XPR1: variants seen among roughly 807,000 people sequenced by gnomAD.
XPR1 encodes xenotropic and polytropic retrovirus receptor 1.
Under a neutral mutation model 87.5 loss-of-function variants are expected in XPR1, and 28 were observed. The observed-to-expected ratio is 0.32, with a 90% confidence interval of 0.24 to 0.44. The LOEUF is 0.44. Ranked by LOEUF, XPR1 falls within the 20% of genes least tolerant of loss-of-function variation. XPR1 has a pLI of 1.00. For missense variants in XPR1, 559 were observed against 862.3 expected, an observed-to-expected ratio of 0.65 and a Z score of 4.41; for synonymous variants, 300 against 306.1, an observed-to-expected ratio of 0.98 and a Z score of 0.21.
intron 11 of XPR1, among the ~76,000 whole-genome samples, chr1:180,852,398 G>A (rs1651894127): frequency 2.0e-5 from 3 of 151,798 alleles, no homozygotes; most frequent in Admixed American, 6.6e-5. Flanking sequence ...ATCACCACAA[G>A]GATCCCCCCT....
intron 1 of XPR1, among the ~76,000 whole-genome samples, chr1:180,663,229 A>G (rs1246249651): frequency 1.3e-5 from 2 of 152,184 alleles, no homozygotes; most frequent in Non-Finnish European, 2.9e-5. Context: ...TATTTATTGT[A>G]GTCTTTGCAA....
chr1:180,778,728 G>A (rs1340261590), intron 2 of XPR1, among the ~76,000 whole-genome samples: 1 of 152,130 alleles, frequency 6.6e-6, no homozygotes, highest in African/African-American at 2.4e-5. Flanking sequence ...AAAAAAATCA[G>A]TTTGATCGTG....
intron 2 of XPR1, among the ~76,000 whole-genome samples, chr1:180,683,029 T>A (rs1345930819): frequency 6.6e-6 from 1 of 152,068 alleles, no homozygotes; most frequent in Non-Finnish European, 1.5e-5. Flanking sequence ...TGTGCAGGTT[T>A]GTTACATATG....
intron 2 of XPR1, among the ~76,000 whole-genome samples, chr1:180,778,895 A>G (rs770822868): frequency 1.8e-4 from 27 of 152,192 alleles, no homozygotes; most frequent in Non-Finnish European, 2.9e-4. Context: ...AAACTCATCA[A>G]TATTTTCCAT....
At chr1:180,737,274 A>G (rs552823075) in intron 2 of XPR1, among the ~76,000 whole-genome samples, 2 of 152,324 alleles carry the variant, frequency 1.3e-5, no homozygotes, top group East Asian at 3.9e-4. Flanking sequence ...AAGGGCAACA[A>G]GTAGCAAACA....
At chr1:180,683,786 A>G (rs1656669168) in intron 2 of XPR1, among the ~76,000 whole-genome samples, 1 of 151,072 alleles carries the variant, frequency 6.6e-6, no homozygotes, top group Non-Finnish European at 1.5e-5. Context: ...GTCTGTTCAT[A>G]TCCTTTGCCC....
At chr1:180,835,316 TTA>T (rs1301574474) in intron 10 of XPR1, among the ~76,000 whole-genome samples, 2 of 152,228 alleles carry the variant, frequency 1.3e-5, no homozygotes, top group African/African-American at 4.8e-5. Context: ...ACATTGGTAG[TTA>T]TATTGCAAGT....
chr1:180,875,351 A>G (rs577804254), intron 13 of XPR1, among the ~76,000 whole-genome samples: 1 of 152,150 alleles, frequency 6.6e-6, no homozygotes, highest in Admixed American at 6.5e-5. Context: ...TCTACAAAAA[A>G]TACAAAAATT....
At position 180,677,335 on chromosome 1, in the gene XPR1, A is replaced by G. The variant is rs144263610; in HGVS notation, c.70-5025A>G. On this transcript the variant is annotated intron_variant, in intron 1 of 14. Coordinates refer to ENST00000367590, the MANE Select transcript of XPR1 (RefSeq NM_004736.4). ...CCTGAGTTTTATTATTACTCAAATC[A>G]GTCTCCCTGAAAATTCGGGGACTGG... 2.9e-3 allele frequency among the ~76,000 whole-genome samples: 441 copies of G among 152,314 alleles called. 3 individuals carry two copies. The highest frequency in any genetic ancestry group is 9.6e-3 in the African/African-American group (399 of 41,570).
At chr1:180,787,568 C>T (rs958289762) in intron 2 of XPR1, among the ~76,000 whole-genome samples, 185 bp from the exon 3 acceptor site, 10 of 152,182 alleles carry the variant, frequency 6.6e-5, no homozygotes, top group Non-Finnish European at 8.8e-5. Context: ...CATGAGCCAT[C>T]GCACTCGGCC....
chr1:180,781,694 C>G (rs10798792), intron 2 of XPR1, among the ~76,000 whole-genome samples: 66,510 of 150,492 alleles, frequency 0.44, 15,321 homozygotes, highest in Non-Finnish European at 0.47. Flanking sequence ...TATACTTTAA[C>G]TTTTAGGGTA....
Position 180,886,575 on chromosome 1 carries a change from C to T in XPR1, c.*2509C>T, listed in dbSNP as rs1238905373. On this transcript the variant is annotated 3_prime_UTR_variant, in exon 15 of 15. Coordinates refer to ENST00000367590, the MANE Select transcript of XPR1 (RefSeq NM_004736.4). ...TGTAATCCTTTTCTGAAGTGTTTGT[C>T]GGATTGGCATAGTCTATTCAAAAAT... 2 of 152,120 alleles carry T rather than the reference C, an allele frequency of 1.3e-5. No homozygotes were observed. The highest frequency in any genetic ancestry group is 6.6e-5 in the Admixed American group (1 of 15,264). The allele number at this position is 152,120 out of a possible 1,614,324, so 9.4% of individuals were successfully genotyped here.
intron 2 of XPR1, among the ~76,000 whole-genome samples, chr1:180,737,337 G>C (rs577398188): frequency 6.6e-6 from 1 of 152,162 alleles, no homozygotes; most frequent in Admixed American, 6.5e-5. Context: ...GAAAATTCAG[G>C]CTATGTATAC....
At chr1:180,839,564 G>A (rs760698379) in intron 11 of XPR1, among the ~76,000 whole-genome samples, 37 of 152,286 alleles carry the variant, frequency 2.4e-4, no homozygotes, top group African/African-American at 5.5e-4. Context: ...CAATATACCT[G>A]TAGGTGAGGA....
chr1:180,830,186 C>A (rs1014494209), intron 9 of XPR1, among the ~76,000 whole-genome samples: 6 of 152,172 alleles, frequency 3.9e-5, no homozygotes, highest in African/African-American at 1.4e-4. Context: ...GCCAGAGCTT[C>A]TTCGTGCATA....
intron 2 of XPR1, among the ~76,000 whole-genome samples, chr1:180,694,971 A>T (rs1657114505): frequency 6.6e-6 from 1 of 152,040 alleles, no homozygotes; most frequent in South Asian, 2.1e-4. Flanking sequence ...GAAACCTCCA[A>T]TCTGTCGTTC....
intron 7 of XPR1, among the ~76,000 whole-genome samples, chr1:180,814,469 C>T (rs769205607): frequency 6.6e-6 from 1 of 152,188 alleles, no homozygotes; most frequent in African/African-American, 2.4e-5. Flanking sequence ...TCAGTTTCAG[C>T]TCCACTGTTA....
At chr1:180,664,881 G>T (rs1156597788) in intron 1 of XPR1, among the ~76,000 whole-genome samples, 1 of 152,172 alleles carries the variant, frequency 6.6e-6, no homozygotes, top group Non-Finnish European at 1.5e-5. Context: ...CTCACAAGGA[G>T]CATACAACCT....
intron 2 of XPR1, among the ~76,000 whole-genome samples, chr1:180,723,142 A>G (rs995589466): frequency 1.3e-5 from 2 of 152,176 alleles, no homozygotes; most frequent in African/African-American, 4.8e-5. Context: ...TTTGTTTGAT[A>G]GAAGTGTTCT....
Sources: gnomAD v4.1 joint callset for allele counts (sites outside exome capture counted in the v4.1 genomes callset) on GRCh38, gnomAD v4.1.1 for gene constraint, MANE v1.5 for transcripts, NCBI Gene and HGNC (gene_info 2026-07-23, HGNC 2026-07-21) for gene names.